Variants in WWOX observed in about 807,000 individuals in gnomAD.
The protein encoded by WWOX is WW domain-containing oxidoreductase.
Under a neutral mutation model 46.2 loss-of-function variants are expected in WWOX, and 69 were observed. The observed-to-expected ratio is 1.49, with a 90% CI of 1.23 to 1.82. The LOEUF (loss-of-function observed/expected upper bound fraction) is 1.82, where lower values mean the gene tolerates loss of function less well. Among genes scored for constraint, WWOX ranks in the 40% most tolerant of loss-of-function variants. The pLI is 0.00. For missense variants in WWOX, 919 were observed against 542.6 expected, an observed-to-expected ratio of 1.69 and a Z score of -6.89; for synonymous variants, 359 against 202.6, an observed-to-expected ratio of 1.77 and a Z score of -6.56.
At chr16:78,419,931 C>A (rs57774709) in intron 6 of WWOX, among the ~76,000 whole-genome samples, 1 of 151,868 alleles carries the variant, frequency 6.6e-6, no homozygotes, top group African/African-American at 2.4e-5. Context: ...AGAACTTTTA[C>A]AATTCAATAA....
At chr16:79,096,408 C>T (rs1195820468) in intron 8 of WWOX, among the ~76,000 whole-genome samples, 1 of 152,110 alleles carries the variant, frequency 6.6e-6, no homozygotes, top group African/African-American at 2.4e-5. Context: ...GTGCTCTTCC[C>T]CCTGCTCACT....
intron 8 of WWOX, chr16:78,891,271 C>G (rs2044584755): frequency 6.6e-6 from 1 of 152,134 alleles, no homozygotes; most frequent in Non-Finnish European, 1.5e-5. Context: ...ATCTGTAAAT[C>G]TCAGCCTAGT....
At chr16:78,573,036 C>T (rs1015322934) in intron 8 of WWOX, among the ~76,000 whole-genome samples, 5 of 152,236 alleles carry the variant, frequency 3.3e-5, no homozygotes, top group African/African-American at 7.2e-5. Flanking sequence ...GCCTGTAATC[C>T]CAGCACTTTG....
intron 8 of WWOX, among the ~76,000 whole-genome samples, chr16:78,805,776 A>G (rs927419783): frequency 6.6e-6 from 1 of 152,188 alleles, no homozygotes; most frequent in Non-Finnish European, 1.5e-5. Flanking sequence ...ATAGATATCC[A>G]GTTTTTGTTT....
intron 5 of WWOX, among the ~76,000 whole-genome samples, chr16:78,216,602 A>T (rs2036729796): frequency 6.6e-6 from 1 of 151,174 alleles, no homozygotes; most frequent in Non-Finnish European, 1.5e-5. Context: ...AGCCAGCAAG[A>T]TTGCATCTCT....
chr16:79,021,308 C>G (rs16949249), intron 8 of WWOX, among the ~76,000 whole-genome samples: 6 of 152,040 alleles, frequency 3.9e-5, no homozygotes, highest in African/African-American at 1.2e-4. Flanking sequence ...GCAAGATTAG[C>G]GAGATATTGT....
intron 8 of WWOX, among the ~76,000 whole-genome samples, chr16:78,850,816 A>G (rs1263135763): frequency 6.6e-6 from 1 of 152,104 alleles, no homozygotes; most frequent in Non-Finnish European, 1.5e-5. Flanking sequence ...CTGTCTTTTC[A>G]CACTAATGAG....
chr16:78,697,364 G>A (rs1489351982), intron 8 of WWOX, among the ~76,000 whole-genome samples: 1 of 152,106 alleles, frequency 6.6e-6, no homozygotes, highest in African/African-American at 2.4e-5. Context: ...ATTCTTGCAG[G>A]AGTAAGATGG....
At chr16:78,233,649 C>G (rs2037344218) in intron 5 of WWOX, among the ~76,000 whole-genome samples, 1 of 151,722 alleles carries the variant, frequency 6.6e-6, no homozygotes, top group South Asian at 2.1e-4. Flanking sequence ...GCCTCAGCCT[C>G]CCGAGTAGCT....
chr16:78,703,449 A>G (rs751454934), intron 8 of WWOX, among the ~76,000 whole-genome samples: 8 of 94,638 alleles, frequency 8.5e-5, no homozygotes, highest in Non-Finnish European at 1.4e-4. Context: ...CTCTGTCTCT[A>G]CACATTTTTT....
intron 8 of WWOX, among the ~76,000 whole-genome samples, chr16:79,113,020 C>T (rs1452622101): frequency 2.0e-5 from 3 of 152,208 alleles, no homozygotes; most frequent in Admixed American, 1.3e-4. Flanking sequence ...TGAGTGCCAG[C>T]CCAGTGCCAG....
rs560519802 is a variant in WWOX, at chr16:79,050,513, C to G, written c.1057-161095C>G. On this transcript the variant is annotated intron_variant, in intron 8 of 8. Coordinates refer to ENST00000566780, the MANE Select transcript of WWOX (RefSeq NM_016373.4). ...TCACACACTGATGCCCCAAATAAAT[C>G]ACATGGCTGAGCTCACGGTTAGAGA... Among the ~76,000 whole-genome samples, 5 of 152,304 alleles carry G rather than the reference C, an allele frequency of 3.3e-5. No individual in the cohort carries two copies. In the South Asian group the frequency reaches 1.0e-3, roughly 32 times the overall value.
At chr16:78,530,154 C>G (rs1015198573) in intron 8 of WWOX, among the ~76,000 whole-genome samples, 1 of 152,166 alleles carries the variant, frequency 6.6e-6, no homozygotes, top group African/African-American at 2.4e-5. Context: ...TGTACTGGCC[C>G]TGGGATAGCA....
At chr16:78,370,903 C>T (rs1263454632) in intron 5 of WWOX, among the ~76,000 whole-genome samples, 1 of 149,258 alleles carries the variant, frequency 6.7e-6, no homozygotes, top group African/African-American at 2.5e-5. Flanking sequence ...GGAAGATGGC[C>T]AACATTTCTA....
intron 8 of WWOX, among the ~76,000 whole-genome samples, chr16:78,575,519 C>T (rs2044856029): frequency 6.6e-6 from 1 of 152,038 alleles, no homozygotes; most frequent in South Asian, 2.1e-4. Context: ...CTGATTTCAC[C>T]CCATCCTAAG....
chr16:79,005,360 G>A (rs1284273272), intron 8 of WWOX, among the ~76,000 whole-genome samples: 1 of 152,186 alleles, frequency 6.6e-6, no homozygotes, highest in African/African-American at 2.4e-5. Context: ...TCACAGAAAT[G>A]AGGTAGCTGT....
chr16:78,850,504 A>T (rs188578435), intron 8 of WWOX, among the ~76,000 whole-genome samples: 1 of 152,214 alleles, frequency 6.6e-6, no homozygotes, highest in Non-Finnish European at 1.5e-5. Context: ...TACCGTTTAT[A>T]GTTTTTTTAC....
intron 8 of WWOX, among the ~76,000 whole-genome samples, chr16:79,008,341 G>T (rs139066270): frequency 2.0e-5 from 3 of 152,330 alleles, no homozygotes; most frequent in Admixed American, 6.5e-5. Context: ...GATTAGATCA[G>T]TCCCACTTAG....
At chr16:78,126,493 G>T (rs1298041496) in intron 4 of WWOX, among the ~76,000 whole-genome samples, 3 of 152,088 alleles carry the variant, frequency 2.0e-5, no homozygotes, top group Non-Finnish European at 4.4e-5. Context: ...TTAACGAATT[G>T]CCCTTTCATC....
Sources: allele counts gnomAD v4.1 joint callset (sites outside exome capture counted in the v4.1 genomes callset), GRCh38; gene constraint gnomAD v4.1.1; transcripts MANE v1.5; gene names NCBI Gene and HGNC (gene_info 2026-07-23, HGNC 2026-07-21).